Variants in CCDC174 observed in about 807,000 individuals in gnomAD.
The protein encoded by CCDC174 is coiled-coil domain-containing protein 174.
Under a neutral mutation model 57.1 loss-of-function variants are expected in CCDC174, and 37 were observed. The ratio of observed to expected loss-of-function variants is 0.65; its 90% CI spans 0.50 to 0.85. The LOEUF (loss-of-function observed/expected upper bound fraction) is 0.85, where lower values mean the gene tolerates loss of function less well. Ranked by LOEUF, CCDC174 falls within the 40% of genes least tolerant of loss-of-function variation. CCDC174 has a pLI of 0.00. For synonymous variants in CCDC174, 182 were observed against 190.2 expected, an observed-to-expected ratio of 0.96 and a Z score of 0.35; for missense variants, 540 against 574.3, an observed-to-expected ratio of 0.94 and a Z score of 0.61.
At chr3:14,652,644 G>C (rs2030812345) in intron 1 of CCDC174, among the ~76,000 whole-genome samples, 1 of 152,150 alleles carries the variant, frequency 6.6e-6, no homozygotes, top group Non-Finnish European at 1.5e-5. Flanking sequence ...ACTCACGCCT[G>C]TAATCCCAAC....
chr3:14,652,158 T>A (rs1288832710), intron 1 of CCDC174, among the ~76,000 whole-genome samples: 2 of 152,130 alleles, frequency 1.3e-5, no homozygotes, highest in Non-Finnish European at 2.9e-5. Flanking sequence ...ACTCCGTGCC[T>A]CACCTCTGCC....
intron 3 of CCDC174, among the ~76,000 whole-genome samples, chr3:14,656,789 T>C (rs973851996): frequency 5.3e-5 from 8 of 152,210 alleles, no homozygotes; most frequent in African/African-American, 1.9e-4. Flanking sequence ...TGTCATTCCA[T>C]CTTTATTATT....
chr3:14,662,772 T>C (rs529261872), intron 5 of CCDC174, among the ~76,000 whole-genome samples: 1 of 152,342 alleles, frequency 6.6e-6, no homozygotes, highest in East Asian at 1.9e-4. Context: ...GCCTTTGGCC[T>C]TGTGGGCAGT....
At chr3:14,667,309 TA>T in intron 7 of CCDC174, 114 bp from the exon 8 acceptor site, 1 of 840,054 alleles carries the variant, frequency 1.2e-6, no homozygotes, top group South Asian at 1.6e-5. Context: ...TTTTTCTTTT[TA>T]AAACTTGTGC....
chr3:14,653,238 G>C (rs2030837057), intron 1 of CCDC174, among the ~76,000 whole-genome samples: 1 of 152,170 alleles, frequency 6.6e-6, no homozygotes, highest in Non-Finnish European at 1.5e-5. Flanking sequence ...TGCTATTTGA[G>C]AATTTACATT....
At chr3:14,658,538 T>C (rs1193006600) in intron 3 of CCDC174, among the ~76,000 whole-genome samples, 2 of 152,266 alleles carry the variant, frequency 1.3e-5, no homozygotes, top group Non-Finnish European at 2.9e-5. Context: ...AATTAAGTTG[T>C]TGGATTCTTA....
chr3:14,669,184 A>G (rs944628076), intron 9 of CCDC174, among the ~76,000 whole-genome samples: 11 of 152,194 alleles, frequency 7.2e-5, no homozygotes, highest in Non-Finnish European at 8.8e-5. Flanking sequence ...ACCCAAAGGA[A>G]AAGGAGGAGT....
intron 7 of CCDC174, 39 bp downstream of exon 7, chr3:14,666,986 TA>T: frequency 6.5e-7 from 1 of 1,545,312 alleles, no homozygotes; most frequent in South Asian, 1.2e-5. Context: ...ATCTTATTTT[TA>T]ACCTTAAACT....
At chr3:14,655,120 C>T (rs1398063581) in intron 2 of CCDC174, among the ~76,000 whole-genome samples, 2 of 152,028 alleles carry the variant, frequency 1.3e-5, no homozygotes, top group East Asian at 1.9e-4. Flanking sequence ...GTTCGAGACC[C>T]GCCTGAGCAA....
intron 10 of CCDC174, 22 bp from the exon 11 acceptor site, chr3:14,670,874 C>CT (rs1222591934): frequency 1.3e-6 from 2 of 1,567,316 alleles, no homozygotes; most frequent in Non-Finnish European, 1.7e-6. Flanking sequence ...GTTCTAATAA[C>CT]TTTCTTTCTT....
chr3:14,666,142 T>C (rs1398183329), intron 6 of CCDC174, among the ~76,000 whole-genome samples: 5 of 151,658 alleles, frequency 3.3e-5, no homozygotes, highest in Admixed American at 2.0e-4. Flanking sequence ...CAGGCCACAG[T>C]GCTAAGCAGT....
At chr3:14,666,472 A>T (rs1045444910) in intron 6 of CCDC174, among the ~76,000 whole-genome samples, 1 of 151,872 alleles carries the variant, frequency 6.6e-6, no homozygotes, top group Non-Finnish European at 1.5e-5. Flanking sequence ...AAAATACAAA[A>T]ATTAGCCAGA....
In CCDC174 at chr3:14,665,091, G is replaced by T. The variant is rs151323660; in HGVS notation, c.549G>T (p.Leu183=). The change falls in exon 6 of 11, where the codon CTG becomes CTT. Residue 183 remains leucine, a synonymous_variant. Coordinates refer to ENST00000383794, the MANE Select transcript of CCDC174 (RefSeq NM_016474.5). ...GTATGAGAAAGGATTTGCCAGATCT[G>T]CTGGAGATGGATAAAAATCTTCAGG... ...RRCMRKDLPD[L]LEMDKNLQGR... The T allele has an allele frequency of 2.3e-4, 368 of 1,614,002 alleles. No homozygotes were observed. The highest frequency in any genetic ancestry group is 2.9e-4 in the Non-Finnish European group (348 of 1,179,858).
chr3:14,664,385 C>G (rs1474203100), intron 5 of CCDC174, among the ~76,000 whole-genome samples: 1 of 152,114 alleles, frequency 6.6e-6, no homozygotes, highest in Non-Finnish European at 1.5e-5. Context: ...AACATCTGTC[C>G]GTATTTTCCA....
chr3:14,655,698 A>ATCAT, intron 3 of CCDC174, 69 bp downstream of exon 3: 2 of 999,984 alleles, frequency 2.0e-6, no homozygotes, highest in Non-Finnish European at 3.0e-6. Flanking sequence ...GGAAGTTCAA[A>ATCAT]TTTTGTCCTT....
intron 1 of CCDC174, among the ~76,000 whole-genome samples, chr3:14,653,600 A>G (rs1435803278): frequency 1.3e-5 from 2 of 152,236 alleles, no homozygotes; most frequent in East Asian, 3.8e-4. Flanking sequence ...AACTGTTGTT[A>G]TATCCTTTTT....
chr3:14,665,561 A>T (rs2031304908), intron 6 of CCDC174, among the ~76,000 whole-genome samples: 1 of 152,202 alleles, frequency 6.6e-6, no homozygotes, highest in South Asian at 2.1e-4. Flanking sequence ...GCAGGGCCTA[A>T]GACCTAAGAC....
chr3:14,658,083 C>T (rs1243148041), intron 3 of CCDC174, among the ~76,000 whole-genome samples: 1 of 152,260 alleles, frequency 6.6e-6, no homozygotes, highest in East Asian at 1.9e-4. Flanking sequence ...AGGGGCCTCT[C>T]TGCTGGCATG....
chr3:14,665,935 G>A (rs2031319001), intron 6 of CCDC174, among the ~76,000 whole-genome samples: 1 of 151,112 alleles, frequency 6.6e-6, no homozygotes, highest in Admixed American at 6.6e-5. Context: ...CTACTCAGGA[G>A]GCTGAGGCAG....
Sources: allele counts gnomAD v4.1 joint callset (sites outside exome capture counted in the v4.1 genomes callset), GRCh38; gene constraint gnomAD v4.1.1; transcripts MANE v1.5; gene names NCBI Gene and HGNC (gene_info 2026-07-23, HGNC 2026-07-21).